FAM193B: variants seen among roughly 807,000 people sequenced by gnomAD.
The protein encoded by FAM193B is family with sequence similarity 193 member B, also known as protein FAM193B.
Under a neutral mutation model 70.7 loss-of-function variants are expected in FAM193B, and 27 were observed. The ratio of observed to expected loss-of-function variants is 0.38; its 90% CI spans 0.28 to 0.53. FAM193B has a LOEUF of 0.53. FAM193B is among the 20% of genes least tolerant of loss of function. The pLI, the probability that FAM193B is intolerant of heterozygous loss-of-function variation, is 0.81. For missense variants in FAM193B, 1,022 were observed against 1,072.5 expected (o/e 0.95, Z 0.66); for synonymous variants, 448 against 436.0 (o/e 1.03, Z -0.34).
rs1233860775 is a variant in FAM193B, at chr5:177,532,086, C to CT, written c.1275+356dup. 2 of 1,302,652 alleles carry CT rather than the reference C, an allele frequency of 1.5e-6. No individual in the cohort carries two copies. The highest frequency in any genetic ancestry group is 4.6e-5 in the Admixed American group (2 of 43,912). 80.7% of individuals were successfully genotyped at this position (1,302,652 alleles called of 1,614,324 possible). A position where few individuals can be genotyped will look rare whatever the true frequency, so the allele number is the denominator to read the frequency against. The stretch of plus-strand genomic sequence containing the variant: ...CTGTCACACTTGGGGGACTGAGAGC[C>CT]TTTTTGCTTCCACTCTGCCTTCATC... On this transcript the variant is annotated intron_variant, in intron 5 of 8. Transcript: ENST00000514747. This position sits in a 1 kb window ranked among gnomAD's most constrained non-coding sequence, Gnocchi z 4.9.
chr5:177,531,566 G>A (rs1013467399), intron 5 of FAM193B: 13 of 1,225,972 alleles, frequency 1.1e-5, no homozygotes, highest in Non-Finnish European at 1.3e-5. Flanking sequence ...TGGGCCTGGG[G>A]GGCCCACAGC....
intron 1 of FAM193B, chr5:177,553,862 G>A (rs1233785372): frequency 2.9e-5 from 37 of 1,261,454 alleles, no homozygotes; most frequent in Non-Finnish European, 3.7e-5. Context: ...CAGTCGTCCA[G>A]TCCCAGAGCC....
At chr5:177,536,020 C>T (rs1029775500) in intron 4 of FAM193B, among the ~76,000 whole-genome samples, 1 of 151,966 alleles carries the variant, frequency 6.6e-6, no homozygotes, top group Non-Finnish European at 1.5e-5. Context: ...AGGCAATCCT[C>T]CTGCCTCAGC....
rs1283049114 is a variant in FAM193B at position 177,532,896 on chromosome 5, C to A, written c.1077-255G>T. Reference sequence around the variant, plus strand: ...CTCCCCTGCCTGCACCCACCATGCACCCCTTCTCAGGTTACTGTGCACACG... The same window carrying A: ...CTCCCCTGCCTGCACCCACCATGCAACCCTTCTCAGGTTACTGTGCACACG... On this transcript the variant is annotated intron_variant, in intron 4 of 8. Transcript: ENST00000514747. This position sits in a 1 kb window ranked among gnomAD's most constrained non-coding sequence, Gnocchi z 4.9. 6.6e-6 allele frequency among the ~76,000 whole-genome samples: 1 copy of A among 152,214 alleles called. No homozygotes were observed. Among genetic ancestry groups the A allele is most frequent in the Non-Finnish European group, 1.5e-5 (1 of 68,036 alleles).
chr5:177,536,022 T>C (rs983977561), intron 4 of FAM193B, among the ~76,000 whole-genome samples: 3 of 151,944 alleles, frequency 2.0e-5, no homozygotes, highest in African/African-American at 7.3e-5. Flanking sequence ...GCAATCCTCC[T>C]GCCTCAGCCT....
intron 4 of FAM193B, among the ~76,000 whole-genome samples, chr5:177,534,326 T>C (rs2127467214): frequency 7.0e-6 from 1 of 142,444 alleles, no homozygotes; most frequent in Admixed American, 7.5e-5. Context: ...GGAGTCTCGC[T>C]CTGTTGCCCA....
At position 177,538,176 on chromosome 5, in the gene FAM193B, A is replaced by G. The variant is rs181479232; in HGVS notation, c.454-69T>C. The G allele has an allele frequency of 3.4e-5, 49 of 1,452,496 alleles. No individual in the cohort carries two copies. Among genetic ancestry groups the G allele is most frequent in the Non-Finnish European group, 4.4e-5 (48 of 1,092,594 alleles). The allele number at this position is 1,452,496 out of a possible 1,614,324, so 90.0% of individuals were successfully genotyped here. On this transcript the variant is annotated intron_variant, in intron 2 of 8. Coordinates refer to ENST00000514747, the MANE Select transcript of FAM193B (RefSeq NM_001190946.3). The surrounding 1 kb of genome is among the most constrained non-coding windows in gnomAD (Gnocchi z 4.1). ...ATCGGAGCTGACCCTCTGCTGCCTC[A>G]GCTTTTCCTGAGGGAGCTCCTTCTC...
Position 177,525,218 on chromosome 5 carries a change from G to C in FAM193B, c.1276-13C>G, listed in dbSNP as rs1762401892. ...CCTTCTCCTTTTCCTGCCAAGGCAAGAGGCAGTTTTAGCAGGAGGCTGTCA... is the reference window on the plus strand; with the variant it reads ...CCTTCTCCTTTTCCTGCCAAGGCAACAGGCAGTTTTAGCAGGAGGCTGTCA... On this transcript the variant is annotated splice_polypyrimidine_tract_variant and intron_variant, in intron 5 of 8. Coordinates refer to ENST00000514747, the MANE Select transcript of FAM193B (RefSeq NM_001190946.3). 6.9e-7 allele frequency: 1 copy of C among 1,446,974 alleles called. No individual in the cohort carries two copies. The highest frequency in any genetic ancestry group is 1.5e-5 in the South Asian group (1 of 64,956). The allele number at this position is 1,446,974 out of a possible 1,614,324, so 89.6% of individuals were successfully genotyped here.
chr5:177,532,350 C>T lies in FAM193B; in HGVS notation c.1275+93G>A, dbSNP rs886908711. ...ACGGCCCCAGCACGGTAATTACCAC[C>T]GTGAGCAACGGGGTCTCTGGGGAGA... On this transcript the variant is annotated intron_variant, in intron 5 of 8. Transcript: ENST00000514747. This position sits in a 1 kb window ranked among gnomAD's most constrained non-coding sequence, Gnocchi z 4.9. 17 of 1,511,566 alleles carry T rather than the reference C, an allele frequency of 1.1e-5. No individual in the cohort carries two copies. The highest frequency in any genetic ancestry group is 1.7e-4 in the Middle Eastern group (1 of 5,838). 93.6% of individuals were successfully genotyped at this position (1,511,566 alleles called of 1,614,324 possible).
At chr5:177,553,517 C>T (rs1766579249) in intron 1 of FAM193B, 3 of 1,144,024 alleles carry the variant, frequency 2.6e-6, no homozygotes, top group African/African-American at 3.3e-5. Context: ...CTCCTTTGCT[C>T]AAAAGAAAGT....
intron 1 of FAM193B, among the ~76,000 whole-genome samples, chr5:177,549,515 G>C (rs759908918): frequency 2.0e-5 from 3 of 152,170 alleles, no homozygotes; most frequent in East Asian, 1.9e-4. Context: ...TTATACATGA[G>C]AAAACAAACC....
At chr5:177,541,628 C>T (rs1052373654) in intron 1 of FAM193B, among the ~76,000 whole-genome samples, 7 of 152,138 alleles carry the variant, frequency 4.6e-5, no homozygotes, top group Non-Finnish European at 1.0e-4. Context: ...ACGGTGTTAG[C>T]CAGGATGGTC....
intron 5 of FAM193B, among the ~76,000 whole-genome samples, chr5:177,526,478 C>T (rs1357967294): frequency 6.6e-6 from 1 of 152,018 alleles, no homozygotes; most frequent in African/African-American, 2.4e-5. Flanking sequence ...GGACCAAGGG[C>T]CCTTCACCTC....
chr5:177,521,951 TG>T (rs1401213266), intron 8 of FAM193B, 22 bp downstream of exon 8: 2 of 1,589,776 alleles, frequency 1.3e-6, no homozygotes, highest in Non-Finnish European at 1.7e-6. Context: ...AGGCAGTGGA[TG>T]TAACTCTTGG....
At chr5:177,527,304 T>C (rs906970347) in intron 5 of FAM193B, among the ~76,000 whole-genome samples, 2 of 152,130 alleles carry the variant, frequency 1.3e-5, no homozygotes, top group Admixed American at 1.3e-4. Flanking sequence ...GGCTGAGAGA[T>C]AAAGCTGGCA....
chr5:177,522,043 G>T lies in FAM193B; in HGVS notation c.2401C>A (p.Arg801Ser). The T allele has an allele frequency of 6.2e-7, 1 of 1,614,006 alleles. No individual in the cohort carries two copies. Among genetic ancestry groups the T allele is most frequent in the Non-Finnish European group, 8.5e-7 (1 of 1,179,880 alleles). Residue 801 changes from arginine to serine, a missense_variant, in exon 8 of 9, where the codon CGT (arginine) becomes AGT (serine). By Grantham distance (110) the Arg-to-Ser change is moderately radical. Coordinates refer to ENST00000514747, the MANE Select transcript of FAM193B (RefSeq NM_001190946.3). Reference protein sequence around the residue: ...RFCLDSAKQTRQKVAVNWTNF... With the variant: ...RFCLDSAKQTSQKVAVNWTNF... ...GTCCAGTTCACAGCAACTTTCTGAC[G>T]AGTCTGCTTTGCAGAATCCAAACAG...
Position 177,551,405 on chromosome 5 carries a change from A to T in FAM193B, c.210+2844T>A, listed in dbSNP as rs79293100. ...TAGTGGCCTGAAACAATTGAAAGCC[A>T]TTTGGGATCCCAATTAAACTCAAGG... On this transcript the variant is annotated intron_variant, in intron 1 of 8. Coordinates refer to ENST00000514747, the MANE Select transcript of FAM193B (RefSeq NM_001190946.3). Among the ~76,000 whole-genome samples, 640 of 152,348 alleles carry T rather than the reference A, an allele frequency of 4.2e-3. 4 individuals carry two copies. Among genetic ancestry groups the T allele is most frequent in the African/African-American group, 0.015 (626 of 41,574 alleles).
At chr5:177,531,868 G>A (rs1763517465) in intron 5 of FAM193B, 4 of 1,181,032 alleles carry the variant, frequency 3.4e-6, no homozygotes, top group Non-Finnish European at 4.3e-6. Context: ...ATAACCCCTA[G>A]CTCAAAGGTG....
At chr5:177,525,402 A>G (rs1762426880) in intron 5 of FAM193B, 197 bp from the exon 6 acceptor site, 4 of 437,984 alleles carry the variant, frequency 9.1e-6, no homozygotes, top group Admixed American at 4.2e-5. Flanking sequence ...GGGCAGGGGT[A>G]GTCACACCCA....
Sources: allele counts gnomAD v4.1 joint callset (sites outside exome capture counted in the v4.1 genomes callset), GRCh38; gene constraint gnomAD v4.1.1; non-coding constraint Gnocchi (gnomAD v3.1); transcripts MANE v1.5; gene names NCBI Gene and HGNC (gene_info 2026-07-23, HGNC 2026-07-21).